BBS2: variants seen among roughly 807,000 people sequenced by gnomAD.
The protein encoded by BBS2 is Bardet-Biedl syndrome 2.
Under a neutral mutation model 83.0 loss-of-function variants are expected in BBS2, and 62 were observed. That is an observed-to-expected ratio of 0.75 (90% confidence interval 0.61 to 0.92). The LOEUF (loss-of-function observed/expected upper bound fraction) is 0.92, where lower values mean the gene tolerates loss of function less well. Among genes scored for constraint, BBS2 ranks in the 40% least tolerant of loss-of-function variants. The probability of loss-of-function intolerance (pLI) is 0.00; values close to 1 mark genes in which losing one functional copy is unlikely to be tolerated. For synonymous variants in BBS2, 303 were observed against 326.1 expected, an observed-to-expected ratio of 0.93 and a Z score of 0.76; for missense variants, 784 against 901.0, an observed-to-expected ratio of 0.87 and a Z score of 1.66.
rs1051893335 is a variant in BBS2 at position 56,519,753 on chromosome 16, G to C, written c.110C>G (p.Thr37Arg). 2.5e-6 allele frequency: 4 copies of C among 1,612,860 alleles called. No homozygotes were observed. The highest frequency in any genetic ancestry group is 1.3e-5 in the African/African-American group (1 of 74,910). ...GCGGGTGGGAGCGGTTACCTTGCCC[G>C]TTTGGGTGGCGGCCGCCAGGCACGG... is the stretch of plus-strand genomic sequence containing the variant. The part of the protein sequence containing the change: ...THPCLAAATQ[T>R]GKVFIHNPHT... Residue 37 changes from threonine to arginine, a missense_variant, in exon 1 of 17, where the codon ACG (threonine) becomes AGG (arginine). Coordinates refer to ENST00000245157, the MANE Select transcript of BBS2 (RefSeq NM_031885.5).
intron 15 of BBS2, among the ~76,000 whole-genome samples, chr16:56,491,138 C>T (rs1295367808): frequency 6.6e-6 from 1 of 152,162 alleles, no homozygotes; most frequent in Admixed American, 6.5e-5. Flanking sequence ...ATTTGCAACT[C>T]ATATCACACG....
At chr16:56,516,078 T>C (rs1964739838) in intron 1 of BBS2, 1 of 152,160 alleles carries the variant, frequency 6.6e-6, no homozygotes, top group Admixed American at 6.5e-5. Context: ...TGGAAAGAGT[T>C]TGCAATTTTT....
intron 15 of BBS2, among the ~76,000 whole-genome samples, chr16:56,491,725 C>CAAAAAAAAAAA (rs773397021): frequency 6.9e-5 from 3 of 43,194 alleles, no homozygotes; most frequent in Non-Finnish European, 1.4e-4. Context: ...AACTCAACAG[C>CAAAAAAAAAAA]AAAAAAAAAA....
intron 1 of BBS2, among the ~76,000 whole-genome samples, chr16:56,518,217 T>C (rs1158148786): frequency 6.6e-6 from 1 of 152,214 alleles, no homozygotes; most frequent in Non-Finnish European, 1.5e-5. Context: ...AATGAAGCCT[T>C]ATTTTTTACT....
chr16:56,488,277 G>C (rs751928357), intron 15 of BBS2, among the ~76,000 whole-genome samples: 4 of 152,024 alleles, frequency 2.6e-5, no homozygotes, highest in Non-Finnish European at 5.9e-5. Context: ...GATTCCCCCG[G>C]AGACACTGTC....
At chr16:56,477,874 A>G (rs1301665957) in intron 17 of BBS2, 1 of 152,094 alleles carries the variant, frequency 6.6e-6, no homozygotes, top group Non-Finnish European at 1.5e-5. Flanking sequence ...TCTTTTCTGA[A>G]GTTTGCATTT....
chr16:56,493,720 T>C (rs1409431915), intron 15 of BBS2, among the ~76,000 whole-genome samples: 14 of 152,164 alleles, frequency 9.2e-5, no homozygotes, highest in Admixed American at 3.9e-4. Flanking sequence ...AACCTAACTC[T>C]CTATCAAATC....
intron 17 of BBS2, among the ~76,000 whole-genome samples, chr16:56,474,306 T>C (rs1252766251): frequency 4.0e-5 from 6 of 150,632 alleles, no homozygotes; most frequent in African/African-American, 7.3e-5. Context: ...TAGAGAGAAA[T>C]CAAAATTCAA....
rs1463720547 is a variant in BBS2, at chr16:56,508,181, T to C, written c.612+1776A>G. On this transcript the variant is annotated intron_variant, in intron 5 of 16. Coordinates refer to ENST00000245157, the MANE Select transcript of BBS2 (RefSeq NM_031885.5). ...ACTTAGTTAAAATCATTGGTAGCAC[T>C]GTATGTCAATGTGTAGGTTTTGCTT... Among the ~76,000 whole-genome samples the C allele has an allele frequency of 2.6e-5, 4 of 152,224 alleles. No individual in the cohort carries two copies. In the East Asian group the frequency reaches 7.7e-4, roughly 29 times the overall value.
intron 9 of BBS2, 147 bp downstream of exon 9, chr16:56,502,170 A>G (rs1472871530): frequency 9.3e-7 from 1 of 1,071,308 alleles, no homozygotes; most frequent in Non-Finnish European, 1.4e-6. Flanking sequence ...TTTCAAGACG[A>G]AAGCATATAT....
At chr16:56,504,149 A>C (rs1964359867) in intron 7 of BBS2, among the ~76,000 whole-genome samples, 1 of 152,210 alleles carries the variant, frequency 6.6e-6, no homozygotes, top group Admixed American at 6.5e-5. Context: ...TATTAATGCT[A>C]TTAATAACAT....
intron 17 of BBS2, chr16:56,476,346 CATA>C (rs1380991714): frequency 4.6e-6 from 3 of 653,114 alleles, no homozygotes; most frequent in Non-Finnish European, 5.0e-6. Context: ...TACTAGGACT[CATA>C]ATGATTGTCC....
chr16:56,497,528 C>A, intron 14 of BBS2: 1 of 618,576 alleles, frequency 1.6e-6, no homozygotes, highest in South Asian at 2.0e-5. Context: ...TTAAACCAAA[C>A]AAAGCAAGCA....
At chr16:56,480,366 C>CA (rs1157907841), downstream of BBS2, among the ~76,000 whole-genome samples, 178 of 90,208 alleles carry the variant, frequency 2.0e-3, 3 homozygotes, top group African/African-American at 3.9e-3. Context: ...AAAAAAAAAA[C>CA]AAAAAAAAAA....
chr16:56,510,419 C>G (rs1415187787), intron 4 of BBS2, among the ~76,000 whole-genome samples: 1 of 152,192 alleles, frequency 6.6e-6, no homozygotes, highest in African/African-American at 2.4e-5. Context: ...GCACGTCACA[C>G]CTACTAACTG....
At chr16:56,470,412 A>C (rs1399691774), downstream of BBS2, 2 of 1,310,112 alleles carry the variant, frequency 1.5e-6, no homozygotes, top group Non-Finnish European at 2.1e-6. Context: ...GTACAAAGCT[A>C]ACGATCAGCT....
intron 17 of BBS2, among the ~76,000 whole-genome samples, chr16:56,475,187 A>G (rs1596992300): frequency 6.6e-6 from 1 of 152,288 alleles, no homozygotes; most frequent in East Asian, 1.9e-4. Flanking sequence ...ATTTTCCCCT[A>G]AGTGTGCTCC....
chr16:56,494,726 G>T (rs1016500744), intron 15 of BBS2, among the ~76,000 whole-genome samples: 1 of 152,168 alleles, frequency 6.6e-6, no homozygotes, highest in Admixed American at 6.6e-5. Flanking sequence ...ACTTTGGGAG[G>T]CTGAGGCGGG....
In BBS2 at chr16:56,497,890, G is replaced by A. The variant is rs1343645233; in HGVS notation, c.1660-10C>T. On this transcript the variant is annotated splice_polypyrimidine_tract_variant and intron_variant, in intron 13 of 16. Transcript: ENST00000245157. ...CAGTATTTATAGTGATCTACCCAGA[G>A]AAAAAATAGACAAGTTTAGCATCCT... The A allele has an allele frequency of 6.2e-7, 1 of 1,607,296 alleles. No individual in the cohort carries two copies. Among genetic ancestry groups the A allele is most frequent in the Non-Finnish European group, 8.5e-7 (1 of 1,179,584 alleles).
Sources: gnomAD v4.1 joint callset for allele counts (sites outside exome capture counted in the v4.1 genomes callset) on GRCh38, gnomAD v4.1.1 for gene constraint, MANE v1.5 for transcripts, NCBI Gene and HGNC (gene_info 2026-07-23, HGNC 2026-07-21) for gene names.